The following CSMD1 variants were observed in gnomAD, a reference collection of about 807,000 sequenced individuals.
CSMD1 encodes CUB and Sushi multiple domains 1.
CSMD1 carries 213 observed loss-of-function variants against 417.5 expected under a neutral mutation model. The observed-to-expected ratio is 0.51, with a 90% CI of 0.46 to 0.57. CSMD1 has a LOEUF of 0.57. Ranked by LOEUF, CSMD1 falls within the 20% of genes least tolerant of loss-of-function variation. The pLI, the probability that CSMD1 is intolerant of heterozygous loss-of-function variation, is 0.00. For missense variants in CSMD1, 6,923 were observed against 4,529.7 expected, an observed-to-expected ratio of 1.53 and a Z score of -15.17; for synonymous variants, 2,862 against 1,736.8, an observed-to-expected ratio of 1.65 and a Z score of -16.11.
rs1214630342 is a variant in CSMD1 at position 3,556,390 on chromosome 8, T to TAA, written c.1344+18554_1344+18555insTT. 3.9e-4 allele frequency among the ~76,000 whole-genome samples: 41 copies of TAA among 105,320 alleles called. 1 individual carries two copies. The highest frequency in any genetic ancestry group is 1.7e-3 in the African/African-American group (36 of 21,566). 69.1% of individuals were successfully genotyped at this position (105,320 alleles called of 152,430 possible). A position where few individuals can be genotyped will look rare whatever the true frequency, so the allele number is the denominator to read the frequency against. ...CAAAGATTTTTAAAATTTATAATAA[T>TAA]TAATATATATATATATATATATATT... On this transcript the variant is annotated intron_variant, in intron 10 of 69. Transcript: ENST00000635120.
At chr8:4,237,745 T>G (rs574646767) in intron 3 of CSMD1, among the ~76,000 whole-genome samples, 1 of 152,170 alleles carries the variant, frequency 6.6e-6, no homozygotes, top group East Asian at 1.9e-4. Context: ...ATTCTTGGGC[T>G]CAAGTGATCC....
chr8:4,633,569 T>G (rs563285973), intron 2 of CSMD1, among the ~76,000 whole-genome samples: 38 of 151,116 alleles, frequency 2.5e-4, no homozygotes, highest in African/African-American at 9.2e-4. Flanking sequence ...TTCTTTTGTT[T>G]TGTTTGAGAT....
intron 3 of CSMD1, among the ~76,000 whole-genome samples, chr8:4,083,378 T>C (rs1270850228): frequency 6.6e-6 from 1 of 152,168 alleles, no homozygotes; most frequent in Non-Finnish European, 1.5e-5. Context: ...ATGGTGAGCA[T>C]TTTTTCATGT....
intron 5 of CSMD1, among the ~76,000 whole-genome samples, chr8:3,940,118 A>T (rs1810775064): frequency 6.6e-6 from 1 of 152,182 alleles, no homozygotes; most frequent in Non-Finnish European, 1.5e-5. Context: ...TTTCTTTTAT[A>T]AAGTAAATAG....
chr8:3,932,017 A>G (rs1044617948), intron 5 of CSMD1, among the ~76,000 whole-genome samples: 3 of 146,158 alleles, frequency 2.1e-5, no homozygotes, highest in Non-Finnish European at 4.4e-5. Context: ...GGAGAAAACA[A>G]TAATTTTGTG....
intron 25 of CSMD1, among the ~76,000 whole-genome samples, chr8:3,287,766 C>T (rs930094277): frequency 6.6e-6 from 1 of 152,184 alleles, no homozygotes; most frequent in South Asian, 2.1e-4. Context: ...AATTTGACTT[C>T]CTCTTTTCCT....
chr8:4,876,675 T>C (rs1803060709), intron 1 of CSMD1, among the ~76,000 whole-genome samples: 1 of 152,088 alleles, frequency 6.6e-6, no homozygotes, highest in Non-Finnish European at 1.5e-5. Context: ...TAAGTGCCGT[T>C]AGGTGCATAT....
At chr8:4,231,759 T>C (rs1308736593) in intron 3 of CSMD1, among the ~76,000 whole-genome samples, 1 of 152,178 alleles carries the variant, frequency 6.6e-6, no homozygotes, top group East Asian at 1.9e-4. Flanking sequence ...AATAACACTG[T>C]TGGCCATGCC....
chr8:4,961,093 A>G (rs964276906), intron 1 of CSMD1, among the ~76,000 whole-genome samples: 5 of 152,142 alleles, frequency 3.3e-5, no homozygotes, highest in Non-Finnish European at 7.4e-5. Context: ...ACGGGTGTTT[A>G]CCTCATTAGG....
rs527390791 is a variant in CSMD1, at chr8:4,403,227, A to G, written c.415+16726T>C. The stretch of plus-strand genomic sequence containing the variant: ...AACCAATTTTCTTTTCCTTATGAGA[A>G]TATAAAGATCATTTCTCCTACGTTA... On this transcript the variant is annotated intron_variant, in intron 3 of 69. Coordinates refer to ENST00000635120, the MANE Select transcript of CSMD1 (RefSeq NM_033225.6). 3.0e-4 allele frequency among the ~76,000 whole-genome samples: 45 copies of G among 152,316 alleles called. No individual in the cohort carries two copies. The South Asian group carries it at 9.3e-3, about 32-fold the overall frequency.
chr8:4,353,874 A>G (rs1214316374), intron 3 of CSMD1, among the ~76,000 whole-genome samples: 1 of 152,184 alleles, frequency 6.6e-6, no homozygotes, highest in African/African-American at 2.4e-5. Flanking sequence ...GTTTACAGCA[A>G]TAGTGCCAGG....
chr8:4,408,785 G>T (rs1029583818), intron 3 of CSMD1, among the ~76,000 whole-genome samples: 1 of 152,076 alleles, frequency 6.6e-6, no homozygotes, highest in African/African-American at 2.4e-5. Flanking sequence ...CATTTTTCTG[G>T]CTCCATTTAA....
At chr8:3,694,394 C>G (rs543689142) in intron 7 of CSMD1, among the ~76,000 whole-genome samples, 1 of 152,156 alleles carries the variant, frequency 6.6e-6, no homozygotes, top group Non-Finnish European at 1.5e-5. Flanking sequence ...GACTGATCAA[C>G]AGCTCTGCCT....
At chr8:4,465,954 A>G (rs985588584) in intron 2 of CSMD1, among the ~76,000 whole-genome samples, 25 of 152,194 alleles carry the variant, frequency 1.6e-4, no homozygotes, top group Admixed American at 4.6e-4. Context: ...TGTGCTTCCA[A>G]TACCTTGTGG....
intron 10 of CSMD1, among the ~76,000 whole-genome samples, chr8:3,545,519 G>A (rs550627092): frequency 2.0e-5 from 3 of 152,294 alleles, no homozygotes; most frequent in South Asian, 2.1e-4. Context: ...GAATCATACT[G>A]TTCGGTATAA....
chr8:4,876,546 G>A (rs769387893), intron 1 of CSMD1, among the ~76,000 whole-genome samples: 3 of 152,046 alleles, frequency 2.0e-5, no homozygotes, highest in Non-Finnish European at 2.9e-5. Flanking sequence ...ACATTTCAAT[G>A]CTTTCTCAAT....
rs189334247 is a variant in CSMD1, at chr8:4,814,500, G to A, written c.86-176942C>T. On this transcript the variant is annotated intron_variant, in intron 1 of 69. Transcript: ENST00000635120. ...AAAGTCAAGTGATCCACCCACCTCG[G>A]CCTCCCAAAGCGCTGGGATTACAGG... Among the ~76,000 whole-genome samples the A allele has an allele frequency of 3.3e-5, 5 of 152,260 alleles. No individual in the cohort carries two copies. In the East Asian group the frequency reaches 9.6e-4, roughly 29 times the overall value.
At chr8:4,200,392 G>A (rs6558855) in intron 3 of CSMD1, among the ~76,000 whole-genome samples, 8 of 151,898 alleles carry the variant, frequency 5.3e-5, no homozygotes, top group East Asian at 1.9e-4. Context: ...TTAAAAAGCA[G>A]AAAAAAATTA....
chr8:4,348,102 C>T (rs1469122279), intron 3 of CSMD1, among the ~76,000 whole-genome samples: 2 of 152,138 alleles, frequency 1.3e-5, no homozygotes, highest in Non-Finnish European at 2.9e-5. Context: ...AAAGTGAATG[C>T]TTGGCTAACT....
Sources: allele counts gnomAD v4.1 joint callset (sites outside exome capture counted in the v4.1 genomes callset), GRCh38; gene constraint gnomAD v4.1.1; transcripts MANE v1.5; gene names NCBI Gene and HGNC (gene_info 2026-07-23, HGNC 2026-07-21).